Variants in ZNG1A observed in about 807,000 individuals in gnomAD.
ZNG1A encodes the protein Zn regulated GTPase metalloprotein activator 1A.
chr9:154,844 G>A, the ZNG1A span: 44 of 1,392,358 alleles, frequency 3.2e-5, no homozygotes, highest in Middle Eastern at 3.7e-4. Context: ...TAATATACAC[G>A]CATGCAGATT....
chr9:156,152 TAC>T, the ZNG1A span, among the ~76,000 whole-genome samples: 2 of 64,548 alleles, frequency 3.1e-5, no homozygotes, highest in African/African-American at 4.5e-5. Flanking sequence ...ATTATTATTA[TAC>T]ATATATATAT....
At chr9:163,775 G>C in the ZNG1A span, among the ~76,000 whole-genome samples, 12 of 151,574 alleles carry the variant, frequency 7.9e-5, no homozygotes, top group East Asian at 2.1e-3. Context: ...AAATTAGCCA[G>C]GTACGATGGT....
At chr9:160,065 A>G in the ZNG1A span, 8 of 454,520 alleles carry the variant, frequency 1.8e-5, no homozygotes, top group African/African-American at 1.0e-4. Context: ...GTGGAACTGA[A>G]AAGAACAATG....
the ZNG1A span, among the ~76,000 whole-genome samples, chr9:165,629 GGTAGAAGCCAGGGAT>G: frequency 8.5e-6 from 1 of 117,974 alleles, no homozygotes; most frequent in Non-Finnish European, 1.7e-5. Context: ...GCATCTAGTG[GGTAGAAGCCAGGGAT>G]GTTGTTAAAT....
chr9:161,395 GA>G, the ZNG1A span, among the ~76,000 whole-genome samples: 1 of 151,254 alleles, frequency 6.6e-6, no homozygotes, highest in Non-Finnish European at 1.5e-5. Context: ...TTGAACCTGG[GA>G]GGTGGAGGTT....
the ZNG1A span, among the ~76,000 whole-genome samples, chr9:165,092 A>G: frequency 6.6e-6 from 1 of 152,200 alleles, no homozygotes; most frequent in East Asian, 1.9e-4. Flanking sequence ...TACCATGACA[A>G]TTATTTAACT....
the ZNG1A span, chr9:121,775 G>A: frequency 1.7e-6 from 2 of 1,183,026 alleles, no homozygotes; most frequent in Non-Finnish European, 1.2e-6. Flanking sequence ...TTCTAAAACT[G>A]AAGAAGAACA....
chr9:144,616 C>T, the ZNG1A span, among the ~76,000 whole-genome samples: 1 of 151,832 alleles, frequency 6.6e-6, no homozygotes, highest in African/African-American at 2.4e-5. Context: ...TAGGCATTAC[C>T]ATTCAGGACA....
chr9:146,355 A>C, the ZNG1A span: 1 of 465,732 alleles, frequency 2.1e-6, no homozygotes, highest in Non-Finnish European at 3.6e-6. Context: ...GTTTCTTTAA[A>C]ACTTTCAATT....
chr9:145,253 A>G, the ZNG1A span, among the ~76,000 whole-genome samples: 61 of 150,330 alleles, frequency 4.1e-4, no homozygotes, highest in African/African-American at 1.4e-3. Context: ...GCACACGTAT[A>G]TTTATTGCGG....
At chr9:129,503 G>A in the ZNG1A span, among the ~76,000 whole-genome samples, 53 of 149,414 alleles carry the variant, frequency 3.5e-4, no homozygotes, top group East Asian at 2.6e-3. Flanking sequence ...AAAAAATCCC[G>A]TCATATACTA....
the ZNG1A span, among the ~76,000 whole-genome samples, chr9:152,757 C>T: frequency 6.8e-6 from 1 of 147,604 alleles, no homozygotes; most frequent in Admixed American, 6.8e-5. Context: ...TATCATCAAT[C>T]ATCAATTCTC....
chr9:161,654 C>T, the ZNG1A span: 1 of 1,277,156 alleles, frequency 7.8e-7, no homozygotes, highest in Non-Finnish European at 1.0e-6. Context: ...TGGTATTTCA[C>T]TTGGGAAGTT....
the ZNG1A span, among the ~76,000 whole-genome samples, chr9:140,383 G>A: frequency 0.04 from 5,929 of 149,936 alleles, 173 homozygotes; most frequent in African/African-American, 0.075. Flanking sequence ...TAACTGGGAG[G>A]CACCCCCTAG....
At chr9:140,256 T>C in the ZNG1A span, among the ~76,000 whole-genome samples, 1 of 151,904 alleles carries the variant, frequency 6.6e-6, no homozygotes, top group Non-Finnish European at 1.5e-5. Flanking sequence ...CAGACTTAAG[T>C]GTCCCTGTCT....
At chr9:165,705 A>C in the ZNG1A span, among the ~76,000 whole-genome samples, 5 of 81,210 alleles carry the variant, frequency 6.2e-5, no homozygotes, top group Non-Finnish European at 1.1e-4. Context: ...TATCCAACCC[A>C]AAATGTTATT....
the ZNG1A span, among the ~76,000 whole-genome samples, chr9:168,384 C>T: frequency 1.3e-5 from 2 of 151,978 alleles, no homozygotes; most frequent in Non-Finnish European, 2.9e-5. Context: ...TCCCAAGTAA[C>T]TGGGATTACA....
chr9:163,551 C>A, the ZNG1A span, among the ~76,000 whole-genome samples: 1 of 151,798 alleles, frequency 6.6e-6, no homozygotes, highest in South Asian at 2.1e-4. Flanking sequence ...GTGAAAAGAA[C>A]AACAATGCAA....
chr9:158,980 A>G, the ZNG1A span, among the ~76,000 whole-genome samples: 1 of 152,286 alleles, frequency 6.6e-6, no homozygotes, highest in Non-Finnish European at 1.5e-5. Flanking sequence ...ACATTCTCCA[A>G]TAATACATTC....
Sources: gnomAD v4.1 joint callset for allele counts (sites outside exome capture counted in the v4.1 genomes callset) on GRCh38, gnomAD v4.1.1 for gene constraint, MANE v1.5 for transcripts, NCBI Gene and HGNC (gene_info 2026-07-23, HGNC 2026-07-21) for gene names.